The following UHRF2 variants were observed in gnomAD, a reference collection of about 807,000 sequenced individuals.
UHRF2 encodes E3 ubiquitin-protein ligase UHRF2.
A neutral mutation model predicts 96.8 loss-of-function variants in UHRF2; 23 were observed. That is an observed-to-expected ratio of 0.24 (90% CI 0.17 to 0.34). The LOEUF (loss-of-function observed/expected upper bound fraction) is 0.34. Among genes scored for constraint, UHRF2 ranks in the 10% least tolerant of loss-of-function variants. The pLI, the probability that UHRF2 is intolerant of heterozygous loss-of-function variation, is 1.00. For missense variants in UHRF2, 685 were observed against 981.5 expected (o/e 0.70, Z 4.04); for synonymous variants, 385 against 332.6 (o/e 1.16, Z -1.72).
intron 7 of UHRF2, 58 bp downstream of exon 7, chr9:6,481,824 A>G (rs1175476118): frequency 6.3e-7 from 1 of 1,578,912 alleles, no homozygotes; most frequent in Non-Finnish European, 8.6e-7. Context: ...TAATGTTTTA[A>G]TACCAATAGT....
chr9:6,504,057 G>A (rs1260557032), intron 14 of UHRF2, among the ~76,000 whole-genome samples: 4 of 117,556 alleles, frequency 3.4e-5, no homozygotes, highest in Admixed American at 1.2e-4. Context: ...ACCGAGTCTC[G>A]CTCTGTCACC....
chr9:6,488,522 C>G (rs1199399858), intron 9 of UHRF2, among the ~76,000 whole-genome samples: 1 of 135,900 alleles, frequency 7.4e-6, no homozygotes, highest in Non-Finnish European at 1.6e-5. Flanking sequence ...AACCACTAAT[C>G]TTTTCTCTTT....
At chr9:6,477,513 C>G in intron 5 of UHRF2, 109 bp from the exon 6 acceptor site, 1 of 1,085,634 alleles carries the variant, frequency 9.2e-7, no homozygotes, top group Non-Finnish European at 1.3e-6. Flanking sequence ...GTAACAAGAG[C>G]AAAACTCCAT....
Position 6,506,125 on chromosome 9 carries a change from G to C in UHRF2, c.2355G>C (p.Glu785Asp). The C allele has an allele frequency of 6.2e-7, 1 of 1,614,168 alleles. No homozygotes were observed. The highest frequency in any genetic ancestry group is 8.5e-7 in the Non-Finnish European group (1 of 1,180,022). ...LGQNYIMIPN[E>D]ILQTLLDLFF... ...AGAATTACATCATGATTCCCAATGA[G>C]ATTCTGCAGACTCTACTTGACCTTT... Residue 785 changes from glutamate (E) to aspartate (D), a missense_variant, in exon 16 of 16, where the codon GAG (glutamate) becomes GAC (aspartate). Coordinates refer to ENST00000276893, the MANE Select transcript of UHRF2 (RefSeq NM_152896.3).
intron 3 of UHRF2, among the ~76,000 whole-genome samples, chr9:6,436,040 T>A (rs1233065716): frequency 6.6e-6 from 1 of 152,208 alleles, no homozygotes; most frequent in African/African-American, 2.4e-5. Flanking sequence ...TGGGACAGAT[T>A]TAGTATATTA....
At chr9:6,478,039 G>C (rs1823691049) in intron 6 of UHRF2, among the ~76,000 whole-genome samples, 1 of 152,042 alleles carries the variant, frequency 6.6e-6, no homozygotes, top group East Asian at 1.9e-4. Context: ...TAGACTCTGT[G>C]TTCATTCAAA....
At chr9:6,432,397 A>G (rs1044283896) in intron 2 of UHRF2, among the ~76,000 whole-genome samples, 1 of 152,092 alleles carries the variant, frequency 6.6e-6, no homozygotes, top group African/African-American at 2.4e-5. Context: ...ACTTATTTCT[A>G]AGTTCCTCAC....
chr9:6,450,824 C>T (rs190392933), intron 3 of UHRF2, among the ~76,000 whole-genome samples: 1 of 152,230 alleles, frequency 6.6e-6, no homozygotes, highest in East Asian at 1.9e-4. Flanking sequence ...ACAGAATGTT[C>T]CAGCCCTGGG....
At chr9:6,467,049 C>T (rs1444753332) in intron 4 of UHRF2, among the ~76,000 whole-genome samples, 10 of 152,184 alleles carry the variant, frequency 6.6e-5, no homozygotes, top group Admixed American at 6.5e-4. Context: ...TTACCACAAA[C>T]ATAGTAGCTT....
chr9:6,456,243 T>C (rs1587820614), intron 3 of UHRF2, among the ~76,000 whole-genome samples: 1 of 152,212 alleles, frequency 6.6e-6, no homozygotes, highest in Non-Finnish European at 1.5e-5. Context: ...TGGCGTGATA[T>C]GGTATCTCAG....
chr9:6,430,494 C>G (rs1820505288), intron 2 of UHRF2, among the ~76,000 whole-genome samples: 2 of 152,140 alleles, frequency 1.3e-5, no homozygotes, highest in Non-Finnish European at 2.9e-5. Context: ...TGAGGAGAGA[C>G]TGCCCTTTTT....
chr9:6,436,353 A>T (rs1820848704), intron 3 of UHRF2, among the ~76,000 whole-genome samples: 1 of 152,152 alleles, frequency 6.6e-6, no homozygotes, highest in African/African-American at 2.4e-5. Flanking sequence ...GAGTATTTAG[A>T]TCTGAGATTG....
chr9:6,432,133 T>C (rs1443967949), intron 2 of UHRF2, among the ~76,000 whole-genome samples: 1 of 152,210 alleles, frequency 6.6e-6, no homozygotes, highest in African/African-American at 2.4e-5. Flanking sequence ...ATGTATAACA[T>C]GCTCCATCTC....
At chr9:6,480,449 A>G (rs924732011) in intron 6 of UHRF2, among the ~76,000 whole-genome samples, 15 of 152,226 alleles carry the variant, frequency 9.9e-5, no homozygotes, top group Non-Finnish European at 1.9e-4. Flanking sequence ...AATCCCAGAG[A>G]TGACTTTAGG....
intron 3 of UHRF2, among the ~76,000 whole-genome samples, chr9:6,439,714 G>A (rs1270522691): frequency 6.6e-6 from 1 of 152,132 alleles, no homozygotes; most frequent in Non-Finnish European, 1.5e-5. Flanking sequence ...AAACTCTAGA[G>A]ATTTAGATTT....
Position 6,413,377 on chromosome 9 carries a change from G to T in UHRF2, c.-114G>T, listed in dbSNP as rs550679172. The stretch of plus-strand genomic sequence containing the variant: ...TCCGGTCGGTCCGGTGGGCGCGCTC[G>T]CCCGCCTGCCGCTGAGGGCCCGAGC... On this transcript the variant is annotated 5_prime_UTR_variant, in exon 1 of 16. Coordinates refer to ENST00000276893, the MANE Select transcript of UHRF2 (RefSeq NM_152896.3). 2 of 1,102,108 alleles carry T rather than the reference G, an allele frequency of 1.8e-6. No individual in the cohort carries two copies. The highest frequency in any genetic ancestry group is 9.5e-5 in the Admixed American group (2 of 21,148). 68.3% of individuals were successfully genotyped at this position (1,102,108 alleles called of 1,614,324 possible).
intron 3 of UHRF2, among the ~76,000 whole-genome samples, chr9:6,442,121 C>T (rs970316889): frequency 4.6e-5 from 7 of 152,092 alleles, no homozygotes; most frequent in Non-Finnish European, 2.9e-5. Context: ...CCTGGCACCA[C>T]GTCTGGCTAG....
At chr9:6,428,901 TG>T (rs573238643) in intron 2 of UHRF2, among the ~76,000 whole-genome samples, 368 of 152,200 alleles carry the variant, frequency 2.4e-3, no homozygotes, top group Middle Eastern at 0.02. Context: ...TGGTGGCTCA[TG>T]CCTGTAATCC....
intron 2 of UHRF2, among the ~76,000 whole-genome samples, chr9:6,424,943 A>G (rs913430082): frequency 6.6e-6 from 1 of 152,124 alleles, no homozygotes; most frequent in Non-Finnish European, 1.5e-5. Flanking sequence ...GGCACATACT[A>G]TCAGTATTCT....
Sources: allele counts gnomAD v4.1 joint callset (sites outside exome capture counted in the v4.1 genomes callset), GRCh38; gene constraint gnomAD v4.1.1; transcripts MANE v1.5; gene names NCBI Gene and HGNC (gene_info 2026-07-23, HGNC 2026-07-21).